Variants in LCN2 observed in about 807,000 individuals in gnomAD.
LCN2 encodes the protein neutrophil gelatinase-associated lipocalin.
Under a neutral mutation model 26.4 loss-of-function variants are expected in LCN2, and 27 were observed. That is an observed-to-expected ratio of 1.02 (90% CI 0.76 to 1.41). The LOEUF (loss-of-function observed/expected upper bound fraction) is 1.41. Ranked by LOEUF, LCN2 falls within the 40% of genes most tolerant of loss-of-function variation. LCN2 has a pLI of 0.00. For synonymous variants in LCN2, 94 were observed against 98.9 expected, an observed-to-expected ratio of 0.95 and a Z score of 0.30; for missense variants, 224 against 237.6, an observed-to-expected ratio of 0.94 and a Z score of 0.38.
At chr9:128,150,486 CTG>C in intron 2 of LCN2, 112 bp downstream of exon 2, 1 of 1,369,770 alleles carries the variant, frequency 7.3e-7, no homozygotes, top group South Asian at 1.2e-5. Flanking sequence ...CGGAATTCAT[CTG>C]TGTTCATCCT....
intron 1 of LCN2, 141 bp downstream of exon 1, chr9:128,149,804 C>T (rs1007145163): frequency 3.0e-6 from 3 of 990,208 alleles, no homozygotes; most frequent in Admixed American, 2.7e-5. Context: ...CTCTGTGCCA[C>T]CAGGGTCCCC....
In LCN2 at chr9:128,153,237, T is replaced by C. The variant is rs1829158895; in HGVS notation, c.*8-74T>C. The C allele has an allele frequency of 7.7e-7, 1 of 1,296,044 alleles. No homozygotes were observed. The highest frequency in any genetic ancestry group is 2.3e-5 in the East Asian group (1 of 43,416). The allele number at this position is 1,296,044 out of a possible 1,614,324, so 80.3% of individuals were successfully genotyped here. A position where few individuals can be genotyped will look rare whatever the true frequency, so the allele number is the denominator to read the frequency against. Reference sequence around the variant, plus strand: ...CCCCTGCCCCCCAGCACTGCTGCTGTCTTTATTCTGCTGTCCCCATCTCGG... The same window carrying C: ...CCCCTGCCCCCCAGCACTGCTGCTGCCTTTATTCTGCTGTCCCCATCTCGG... On this transcript the variant is annotated intron_variant, in intron 6 of 6. Transcript: ENST00000277480. This position sits in a 1 kb window ranked among gnomAD's most constrained non-coding sequence, Gnocchi z 5.4.
rs1588085998 is a variant in LCN2, at chr9:128,150,224, T to C, written c.139-14T>C. The C allele has an allele frequency of 1.9e-6, 3 of 1,610,866 alleles. No homozygotes were observed. The highest frequency in any genetic ancestry group is 2.5e-6 in the Non-Finnish European group (3 of 1,178,230). On this transcript the variant is annotated splice_polypyrimidine_tract_variant and intron_variant, in intron 1 of 6. Coordinates refer to ENST00000277480, the MANE Select transcript of LCN2 (RefSeq NM_005564.5). ...GGCCATTCCTGGGTTGTGCCTCTTA[T>C]CAGTCCCTTGCAGTTCCAGGGGAAG...
Position 128,149,635 on chromosome 9 carries a change from C to T in LCN2, c.110C>T (p.Pro37Leu), listed in dbSNP as rs771433482. The change falls in exon 1 of 7, where the codon CCT (proline) becomes CTT (leucine). Residue 37 changes from proline (P) to leucine (L), a missense_variant. Physicochemically the swap from Pro to Leu is moderately conservative, Grantham distance 98 (BLOSUM62 -3). Transcript: ENST00000277480. Reference sequence around the variant, plus strand: ...CCAGCCCCACCTCTGAGCAAGGTCCCTCTGCAGCAGAACTTCCAGGACAAC... The same window carrying T: ...CCAGCCCCACCTCTGAGCAAGGTCCTTCTGCAGCAGAACTTCCAGGACAAC... ...LIPAPPLSKV[P>L]LQQNFQDNQF... 1 of 1,613,880 alleles carries T rather than the reference C, an allele frequency of 6.2e-7. No homozygotes were observed. The highest frequency in any genetic ancestry group is 1.3e-5 in the African/African-American group (1 of 74,924).
rs1019283780 is a variant in LCN2, at chr9:128,149,809, G to A, written c.138+146G>A. ...TTTCAGCTCACTCTGTGCCACCAGG[G>A]TCCCCTGGTGGAAACCATGCCCCTT... is the stretch of plus-strand genomic sequence containing the variant. On this transcript the variant is annotated intron_variant, in intron 1 of 6. Coordinates refer to ENST00000277480, the MANE Select transcript of LCN2 (RefSeq NM_005564.5). 15 of 946,830 alleles carry A rather than the reference G, an allele frequency of 1.6e-5. No individual in the cohort carries two copies. In the African/African-American group the frequency reaches 2.2e-4, roughly 14 times the overall value. The allele number at this position is 946,830 out of a possible 1,614,324, so 58.7% of individuals were successfully genotyped here.
rs765773103 is a variant in LCN2 at position 128,149,549 on chromosome 9, G to A, written c.24G>A (p.Leu8=). 1.2e-6 allele frequency: 2 copies of A among 1,613,174 alleles called. No homozygotes were observed. Among genetic ancestry groups the A allele is most frequent in the Admixed American group, 3.3e-5 (2 of 59,962 alleles). Residue 8 remains leucine (L), a synonymous_variant, in exon 1 of 7, where the codon CTG becomes CTA. Transcript: ENST00000277480. MPLGLLW[L]GLALLGALHA... ...TCATGCCCCTAGGTCTCCTGTGGCTGGGCCTAGCCCTGTTGGGGGCTCTGC... is the reference window on the plus strand; with the variant it reads ...TCATGCCCCTAGGTCTCCTGTGGCTAGGCCTAGCCCTGTTGGGGGCTCTGC...
intron 2 of LCN2, chr9:128,150,594 G>A (rs561434644): frequency 5.3e-5 from 37 of 695,618 alleles, no homozygotes; most frequent in Admixed American, 4.9e-4. Flanking sequence ...AAAACAAGAC[G>A]GAGAGAGGAG....
In LCN2 at chr9:128,149,657, C is replaced by T. The variant is rs1379739171; in HGVS notation, c.132C>T (p.Asp44=). ...TCCCTCTGCAGCAGAACTTCCAGGA[C>T]AACCAAGTAAGGGGCCAAGAGGGGC... The part of the protein sequence containing the change: ...SKVPLQQNFQ[D]NQFQGKWYVV... Residue 44 remains aspartate (D), a synonymous_variant, in exon 1 of 7, where the codon GAC becomes GAT. Coordinates refer to ENST00000277480, the MANE Select transcript of LCN2 (RefSeq NM_005564.5). 12 of 1,613,812 alleles carry T rather than the reference C, an allele frequency of 7.4e-6. No individual in the cohort carries two copies. Among genetic ancestry groups the T allele is most frequent in the Non-Finnish European group, 1.0e-5 (12 of 1,179,964 alleles).
Position 128,152,048 on chromosome 9 carries a change from G to A in LCN2, c.475+23G>A, listed in dbSNP as rs373705705. The A allele has an allele frequency of 6.8e-5, 110 of 1,613,738 alleles. No individual in the cohort carries two copies. Among genetic ancestry groups the A allele is most frequent in the Non-Finnish European group, 8.7e-5 (103 of 1,179,834 alleles). ...ACGGTGGGTCCTCTCCCATCCCCTC[G>A]GGGACTGGCTCCTGATCACACTTAG... On this transcript the variant is annotated intron_variant, in intron 4 of 6. Transcript: ENST00000277480.
intron 4 of LCN2, 66 bp downstream of exon 4, chr9:128,152,091 C>T: frequency 6.2e-7 from 1 of 1,609,634 alleles, no homozygotes; most frequent in Non-Finnish European, 8.5e-7. Context: ...GGAGGCCGGT[C>T]CCCCATGAGG....
Position 128,151,888 on chromosome 9 carries a change from C to T in LCN2, c.356-18C>T. On this transcript the variant is annotated intron_variant, in intron 3 of 6. Transcript: ENST00000277480. ...CCCATCCAGGGCAGGGCTGACCCCT[C>T]ACCGTCCACGCCTGCAGGTTACCCT... is the stretch of plus-strand genomic sequence containing the variant. 1 of 1,613,822 alleles carries T rather than the reference C, an allele frequency of 6.2e-7. No homozygotes were observed. Among genetic ancestry groups the T allele is most frequent in the Non-Finnish European group, 8.5e-7 (1 of 1,179,848 alleles).
At position 128,150,302 on chromosome 9, in the gene LCN2, C is replaced by A. The variant is rs1283145010; in HGVS notation, c.203C>A (p.Pro68Gln). The stretch of plus-strand genomic sequence containing the variant: ...GCAATTCTCAGAGAAGACAAAGACC[C>A]GCAAAAGATGTATGCCACCATCTAT... Reference protein sequence around the residue: ...GNAILREDKDPQKMYATIYEL... With the variant: ...GNAILREDKDQQKMYATIYEL... Residue 68 changes from proline (P) to glutamine (Q), a missense_variant, in exon 2 of 7, where the codon CCG becomes CAG. By Grantham distance (76) the Pro-to-Gln change is moderately conservative (BLOSUM62 -1). Transcript: ENST00000277480. 6.2e-7 allele frequency: 1 copy of A among 1,614,116 alleles called. No homozygotes were observed. The highest frequency in any genetic ancestry group is 1.7e-5 in the Admixed American group (1 of 60,014).
chr9:128,149,714 G>C, intron 1 of LCN2, 51 bp downstream of exon 1: 1 of 1,606,892 alleles, frequency 6.2e-7, no homozygotes, highest in Non-Finnish European at 8.5e-7. Flanking sequence ...AAGAGTGGGA[G>C]CAGAGGGGAG....
intron 2 of LCN2, chr9:128,151,364 AAAG>A: frequency 1.7e-6 from 1 of 572,502 alleles, no homozygotes; most frequent in Non-Finnish European, 3.2e-6. Context: ...CAGCCAAAGG[AAAG>A]AAGGACATCG....
rs749985834 is a variant in LCN2, at chr9:128,149,569, C to A, written c.44C>A (p.Ala15Asp). 2.3e-5 allele frequency: 37 copies of A among 1,613,812 alleles called. No homozygotes were observed. Among genetic ancestry groups the A allele is most frequent in the Non-Finnish European group, 3.1e-5 (37 of 1,179,934 alleles). The change falls in exon 1 of 7, where the codon GCT becomes GAT. Residue 15 changes from alanine to aspartate, a missense_variant. Coordinates refer to ENST00000277480, the MANE Select transcript of LCN2 (RefSeq NM_005564.5). ...TGGCTGGGCCTAGCCCTGTTGGGGG[C>A]TCTGCATGCCCAGGCCCAGGACTCC... ...LLWLGLALLG[A>D]LHAQAQDSTS...
chr9:128,153,255 C>G lies in LCN2; in HGVS notation c.*8-56C>G. The G allele has an allele frequency of 8.8e-7, 1 of 1,142,590 alleles. No homozygotes were observed. The highest frequency in any genetic ancestry group is 1.3e-6 in the Non-Finnish European group (1 of 766,430). 70.8% of individuals were successfully genotyped at this position (1,142,590 alleles called of 1,614,324 possible). On this transcript the variant is annotated intron_variant, in intron 6 of 6. Transcript: ENST00000277480. The surrounding 1 kb of genome is among the most constrained non-coding windows in gnomAD (Gnocchi z 5.4). ...GCTGCTGTCTTTATTCTGCTGTCCC[C>G]ATCTCGGGTGCCTCCCATTTCCCCA...
At chr9:128,151,212 G>A (rs1289101264) in intron 2 of LCN2, among the ~76,000 whole-genome samples, 4 of 152,204 alleles carry the variant, frequency 2.6e-5, no homozygotes, top group African/African-American at 4.8e-5. Flanking sequence ...CTAGGGGAAC[G>A]GCTGGCATGG....
rs1835008305 is a variant in LCN2, at chr9:128,151,721, A to T, written c.355+4A>T. On this transcript the variant is annotated splice_donor_region_variant and intron_variant, in intron 3 of 6. Coordinates refer to ENST00000277480, the MANE Select transcript of LCN2 (RefSeq NM_005564.5). ...TTCACGCTGGGCAACATTAAGAGTG[A>T]GTCTTGAGTGAGGTGGGGCACTGAG... 1 of 1,613,366 alleles carries T rather than the reference A, an allele frequency of 6.2e-7. No individual in the cohort carries two copies. Among genetic ancestry groups the T allele is most frequent in the Admixed American group, 1.7e-5 (1 of 59,998 alleles).
chr9:128,151,542 C>G, intron 2 of LCN2, 96 bp from the exon 3 acceptor site: 1 of 980,378 alleles, frequency 1.0e-6, no homozygotes, highest in Non-Finnish European at 1.6e-6. Context: ...CTGAGAGCAA[C>G]AGAACCCTGC....
Sources: gnomAD v4.1 joint callset for allele counts (sites outside exome capture counted in the v4.1 genomes callset) on GRCh38, gnomAD v4.1.1 for gene constraint, Gnocchi (gnomAD v3.1) non-coding constraint, MANE v1.5 for transcripts, NCBI Gene and HGNC (gene_info 2026-07-23, HGNC 2026-07-21) for gene names.